The following LRFN5 variants were observed in gnomAD, a reference collection of about 807,000 sequenced individuals.
LRFN5 encodes leucine-rich repeat and fibronectin type-III domain-containing protein 5.
LRFN5 carries 24 observed loss-of-function variants against 45.6 expected under a neutral mutation model. The ratio of observed to expected loss-of-function variants is 0.53; its 90% CI spans 0.38 to 0.74. The LOEUF (loss-of-function observed/expected upper bound fraction) is 0.74. Among genes scored for constraint, LRFN5 ranks in the 30% least tolerant of loss-of-function variants. The probability of loss-of-function intolerance (pLI) is 0.00; values close to 1 mark genes in which losing one functional copy is unlikely to be tolerated. For synonymous variants in LRFN5, 340 were observed against 313.8 expected, an observed-to-expected ratio of 1.08 and a Z score of -0.88; for missense variants, 776 against 861.5, an observed-to-expected ratio of 0.90 and a Z score of 1.24.
At chr14:41,823,534 T>C (rs1380213521) in intron 2 of LRFN5, among the ~76,000 whole-genome samples, 1 of 152,076 alleles carries the variant, frequency 6.6e-6, no homozygotes, top group African/African-American at 2.4e-5. Context: ...TGGGATTTAT[T>C]TTATAGGTAA....
intron 2 of LRFN5, among the ~76,000 whole-genome samples, chr14:41,881,748 C>T (rs1890388714): frequency 6.6e-6 from 1 of 152,054 alleles, no homozygotes. Flanking sequence ...TCTTCAATTA[C>T]ATTTATACTT....
intron 1 of LRFN5, among the ~76,000 whole-genome samples, chr14:41,609,303 A>G (rs957778845): frequency 1.3e-5 from 2 of 149,000 alleles, no homozygotes; most frequent in Non-Finnish European, 3.0e-5. Flanking sequence ...CGGACACGCA[A>G]CTCCTTTGCG....
chr14:41,876,811 G>T (rs148707623), intron 2 of LRFN5, among the ~76,000 whole-genome samples: 1 of 151,914 alleles, frequency 6.6e-6, no homozygotes, highest in Non-Finnish European at 1.5e-5. Flanking sequence ...GTTTTTACCC[G>T]CAGCATCCTC....
At chr14:41,614,117 TA>T (rs1887851558) in intron 1 of LRFN5, among the ~76,000 whole-genome samples, 3 of 152,074 alleles carry the variant, frequency 2.0e-5, no homozygotes. Context: ...CTCCTTTTAT[TA>T]TTTTTTTGTG....
At chr14:41,842,198 G>A (rs1004321769) in intron 2 of LRFN5, among the ~76,000 whole-genome samples, 2 of 152,022 alleles carry the variant, frequency 1.3e-5, no homozygotes, top group African/African-American at 4.8e-5. Flanking sequence ...CTAAACATCT[G>A]TTGCATTTGT....
chr14:41,616,434 A>C (rs141276999), intron 1 of LRFN5, among the ~76,000 whole-genome samples: 1 of 152,174 alleles, frequency 6.6e-6, no homozygotes, highest in African/African-American at 2.4e-5. Context: ...GAGGAGCCCT[A>C]GTCCTTAATC....
chr14:41,694,349 C>T (rs1882507506), intron 1 of LRFN5, among the ~76,000 whole-genome samples: 1 of 151,842 alleles, frequency 6.6e-6, no homozygotes, highest in Admixed American at 6.6e-5. Flanking sequence ...GCTTACCAAT[C>T]CTTCATCCTC....
intron 2 of LRFN5, among the ~76,000 whole-genome samples, chr14:41,805,061 GAGGATA>G (rs1887473357): frequency 6.6e-6 from 1 of 152,024 alleles, no homozygotes. Context: ...AAAGCAGATG[GAGGATA>G]ACATTACTAA....
intron 2 of LRFN5, among the ~76,000 whole-genome samples, chr14:41,872,504 C>G (rs1318475780): frequency 6.6e-6 from 1 of 152,108 alleles, no homozygotes; most frequent in African/African-American, 2.4e-5. Context: ...TGTTAGAGAG[C>G]AATCCAGGGC....
intron 1 of LRFN5, among the ~76,000 whole-genome samples, chr14:41,689,599 T>C (rs1566622277): frequency 6.6e-6 from 1 of 152,138 alleles, no homozygotes; most frequent in Non-Finnish European, 1.5e-5. Context: ...AAAATTAGTA[T>C]TTTAAAAATT....
At chr14:41,787,376 A>G (rs1886761184) in intron 2 of LRFN5, among the ~76,000 whole-genome samples, 1 of 152,144 alleles carries the variant, frequency 6.6e-6, no homozygotes, top group African/African-American at 2.4e-5. Flanking sequence ...CTGTGCTGTA[A>G]TAAAACCTGG....
chr14:41,861,484 T>G (rs1889658316), intron 2 of LRFN5, among the ~76,000 whole-genome samples: 1 of 152,226 alleles, frequency 6.6e-6, no homozygotes, highest in East Asian at 1.9e-4. Flanking sequence ...TGTAACTCAC[T>G]TTAAGCATCC....
At position 41,674,564 on chromosome 14, in the gene LRFN5, C is replaced by CA. The variant is rs541302751; in HGVS notation, c.-197+66003dup. Among the ~76,000 whole-genome samples the CA allele has an allele frequency of 3.9e-3, 562 of 144,438 alleles. 13 individuals are homozygous for CA. Among genetic ancestry groups the CA allele is most frequent in the African/African-American group, 0.014 (537 of 38,650 alleles). 94.8% of individuals were successfully genotyped at this position (144,438 alleles called of 152,430 possible). Reference sequence around the variant, plus strand: ...TGGCCGGGCAGGGGGCTGACCCCCCCACCTCTCTCCAGGACGGGGCGGCTG... The same window carrying CA: ...TGGCCGGGCAGGGGGCTGACCCCCCCAACCTCTCTCCAGGACGGGGCGGCTG... On this transcript the variant is annotated intron_variant, in intron 1 of 5. Transcript: ENST00000298119.
chr14:41,682,957 G>T (rs114888929), intron 1 of LRFN5, among the ~76,000 whole-genome samples: 8,487 of 152,120 alleles, frequency 0.056, 257 homozygotes, highest in South Asian at 0.085. Context: ...AACTCCTTCT[G>T]TGAGGCCAGT....
rs150745933 is a variant in LRFN5 at position 41,692,050 on chromosome 14, A to G, written c.-196-74804A>G. 9.9e-5 allele frequency among the ~76,000 whole-genome samples: 15 copies of G among 152,204 alleles called. No individual in the cohort carries two copies. In the East Asian group the frequency reaches 2.7e-3, roughly 27 times the overall value. On this transcript the variant is annotated intron_variant, in intron 1 of 5. Coordinates refer to ENST00000298119, the MANE Select transcript of LRFN5 (RefSeq NM_152447.5). ...GATTGATGTGAACATATTTTCTCCA[A>G]TCTTTAGATGTATATATGTTTTCAG...
At chr14:41,797,452 G>A (rs1032930890) in intron 2 of LRFN5, among the ~76,000 whole-genome samples, 15 of 151,642 alleles carry the variant, frequency 9.9e-5, no homozygotes, top group Middle Eastern at 7.0e-3. Flanking sequence ...CAAATCTTAT[G>A]ATAGCATTGT....
At chr14:41,852,303 T>A (rs557554943) in intron 2 of LRFN5, among the ~76,000 whole-genome samples, 1 of 151,964 alleles carries the variant, frequency 6.6e-6, no homozygotes, top group East Asian at 1.9e-4. Flanking sequence ...CAAAGATACA[T>A]ATGTAAAGGA....
rs1010308672 is a variant in LRFN5 at position 41,766,858 on chromosome 14, C to G, written c.-192C>G. ...TTGTGCTTGCCTCCTTTGAAGAATC[C>G]CTGTAACCATTCATCCAGGTGTTGA... is the stretch of plus-strand genomic sequence containing the variant. On this transcript the variant is annotated 5_prime_UTR_variant, in exon 2 of 6. Coordinates refer to ENST00000298119, the MANE Select transcript of LRFN5 (RefSeq NM_152447.5). 1 of 152,398 alleles carries G rather than the reference C, an allele frequency of 6.6e-6. No individual in the cohort carries two copies. The highest frequency in any genetic ancestry group is 1.9e-4 in the East Asian group (1 of 5,178). The allele number at this position is 152,398 out of a possible 1,614,324, so 9.4% of individuals were successfully genotyped here. A position where few individuals can be genotyped will look rare whatever the true frequency, so the allele number is the denominator to read the frequency against.
intron 2 of LRFN5, among the ~76,000 whole-genome samples, chr14:41,770,973 G>A (rs1181629550): frequency 6.6e-6 from 1 of 151,950 alleles, no homozygotes; most frequent in Non-Finnish European, 1.5e-5. Flanking sequence ...AATCTAGGTG[G>A]TAGCCACCAA....
Sources: gnomAD v4.1 joint callset for allele counts (sites outside exome capture counted in the v4.1 genomes callset) on GRCh38, gnomAD v4.1.1 for gene constraint, MANE v1.5 for transcripts, NCBI Gene and HGNC (gene_info 2026-07-23, HGNC 2026-07-21) for gene names.